Variants in CR1 observed in about 807,000 individuals in gnomAD.
CR1 encodes the protein complement receptor type 1.
In CR1, 116 loss-of-function variants were observed where a neutral mutation model predicts 187.3. That is an observed-to-expected ratio of 0.62 (90% CI 0.53 to 0.72). The LOEUF (loss-of-function observed/expected upper bound fraction) is 0.72. Among genes scored for constraint, CR1 ranks in the 30% least tolerant of loss-of-function variants. CR1 has a pLI of 0.00. For synonymous variants in CR1, 576 were observed against 747.1 expected (o/e 0.77, Z 3.73); for missense variants, 1,731 against 2,110.7 (o/e 0.82, Z 3.52).
chr1:207,616,858 T>C (rs542597468), intron 41 of CR1, 56 bp downstream of exon 41: 2 of 1,578,208 alleles, frequency 1.3e-6, no homozygotes, highest in Non-Finnish European at 1.7e-6. Context: ...GGTAAGAACC[T>C]CCATATTTCT....
At chr1:207,509,239 A>G (rs1659543249) in intron 3 of CR1, among the ~76,000 whole-genome samples, 1 of 152,154 alleles carries the variant, frequency 6.6e-6, no homozygotes, top group Non-Finnish European at 1.5e-5. Flanking sequence ...AGACATGTTC[A>G]CCCACATCCT....
chr1:207,518,652 G>T (rs1659877788), intron 4 of CR1, among the ~76,000 whole-genome samples: 1 of 152,098 alleles, frequency 6.6e-6, no homozygotes. Flanking sequence ...GGCAATCGTT[G>T]ATGTTCCTTG....
At chr1:207,592,988 A>G (rs1661318149) in intron 35 of CR1, among the ~76,000 whole-genome samples, 1 of 151,924 alleles carries the variant, frequency 6.6e-6, no homozygotes, top group Non-Finnish European at 1.5e-5. Context: ...GTGGATAGGA[A>G]GAATCAATAT....
intron 35 of CR1, among the ~76,000 whole-genome samples, 166 bp downstream of exon 35, chr1:207,588,940 G>C (rs544979579): frequency 6.6e-6 from 1 of 152,086 alleles, no homozygotes; most frequent in Non-Finnish European, 1.5e-5. Context: ...ATGATCAAAG[G>C]AATACAAAAA....
At chr1:207,617,117 G>A (rs1662123354) in intron 41 of CR1, among the ~76,000 whole-genome samples, 1 of 152,076 alleles carries the variant, frequency 6.6e-6, no homozygotes, top group Admixed American at 6.5e-5. Flanking sequence ...AAATGCTAAA[G>A]AAAATACTCT....
chr1:207,521,343 A>C (rs1445711161), intron 4 of CR1, among the ~76,000 whole-genome samples: 2 of 151,960 alleles, frequency 1.3e-5, no homozygotes, highest in East Asian at 3.9e-4. Flanking sequence ...CTCAGTTATT[A>C]ATTCTTCAAA....
At chr1:207,636,963 A>G (rs1037743587) in intron 46 of CR1, among the ~76,000 whole-genome samples, 1 of 152,218 alleles carries the variant, frequency 6.6e-6, no homozygotes, top group Non-Finnish European at 1.5e-5. Flanking sequence ...CAACTAGCAT[A>G]TAAGGGGGCT....
intron 27 of CR1, among the ~76,000 whole-genome samples, chr1:207,575,378 G>A (rs1294481112): frequency 1.3e-5 from 2 of 152,198 alleles, no homozygotes; most frequent in African/African-American, 2.4e-5. Context: ...AAGATATTAA[G>A]AAGCAATGTG....
intron 35 of CR1, among the ~76,000 whole-genome samples, chr1:207,603,308 GTTC>G (rs1661659418): frequency 6.6e-6 from 1 of 152,156 alleles, no homozygotes; most frequent in South Asian, 2.1e-4. Flanking sequence ...TGCGGTATTA[GTTC>G]TTCTGTCCCT....
At chr1:207,578,667 G>A (rs1185610521) in intron 29 of CR1, among the ~76,000 whole-genome samples, 4 of 152,200 alleles carry the variant, frequency 2.6e-5, no homozygotes, top group Non-Finnish European at 4.4e-5. Flanking sequence ...TGTTCTAAGC[G>A]AGACACCCAG....
Position 207,603,749 on chromosome 1 carries a change from G to C in CR1, c.5811-3502G>C, listed in dbSNP as rs144808591. ...GTGGTTGCATTTTGGTTATTACTTG[G>C]ATAGTCCATAACCTACCTAACAAAG... On this transcript the variant is annotated intron_variant, in intron 35 of 46. Transcript: ENST00000367049. Among the ~76,000 whole-genome samples the C allele has an allele frequency of 1.6e-3, 241 of 152,116 alleles. 1 individual carries two copies. Among genetic ancestry groups the C allele is most frequent in the African/African-American group, 4.6e-3 (190 of 41,496 alleles).
intron 29 of CR1, among the ~76,000 whole-genome samples, chr1:207,578,465 A>G (rs1660837518): frequency 6.6e-6 from 1 of 152,262 alleles, no homozygotes; most frequent in African/African-American, 2.4e-5. Context: ...GCAAAGTACC[A>G]GCTGCAATCT....
At chr1:207,623,798 G>C (rs2102406526) in intron 45 of CR1, among the ~76,000 whole-genome samples, 1 of 151,912 alleles carries the variant, frequency 6.6e-6, no homozygotes, top group African/African-American at 2.4e-5. Flanking sequence ...AGTTAGATTG[G>C]GTCACTTATG....
rs973501611 is a variant in CR1 at position 207,515,150 on chromosome 1, TATATAC to T, written c.487+3508_487+3513del. On this transcript the variant is annotated intron_variant, in intron 4 of 46. Coordinates refer to ENST00000367049, the MANE Select transcript of CR1 (RefSeq NM_000651.6). The stretch of plus-strand genomic sequence containing the variant: ...GTACGTATATATACGTGTATACGTA[TATATAC>T]ATATACATATATAGGTATATACATA... 6.9e-5 allele frequency among the ~76,000 whole-genome samples: 7 copies of T among 101,000 alleles called. 1 individual carries two copies. The highest frequency in any genetic ancestry group is 2.6e-4 in the Admixed American group (2 of 7,818). The allele number at this position is 101,000 out of a possible 152,430, so 66.3% of individuals were successfully genotyped here. A position where few individuals can be genotyped will look rare whatever the true frequency, so the allele number is the denominator to read the frequency against.
intron 5 of CR1, among the ~76,000 whole-genome samples, chr1:207,526,442 A>G (rs545260229): frequency 5.4e-4 from 82 of 150,778 alleles, no homozygotes; most frequent in African/African-American, 2.0e-3. Context: ...CCAATTTTGT[A>G]CTGGGTGAAC....
chr1:207,618,811 T>C (rs907114890), intron 42 of CR1, among the ~76,000 whole-genome samples: 30 of 150,582 alleles, frequency 2.0e-4, no homozygotes, highest in African/African-American at 6.6e-4. Flanking sequence ...TTTGGGAGGC[T>C]GAGGCGGGAA....
chr1:207,616,930 C>T, intron 41 of CR1, 128 bp downstream of exon 41: 3 of 1,323,204 alleles, frequency 2.3e-6, no homozygotes, highest in Non-Finnish European at 3.1e-6. Context: ...GACAGAACTA[C>T]CTCCCAAGTG....
rs763913582 is a variant in CR1, at chr1:207,611,786, C to T, written c.6405C>T (p.Leu2135=). 9.9e-6 allele frequency: 16 copies of T among 1,614,016 alleles called. No homozygotes were observed. Among genetic ancestry groups the T allele is most frequent in the Non-Finnish European group, 1.3e-5 (15 of 1,179,910 alleles). The change falls in exon 38 of 47, where the codon CTC becomes CTT. Residue 2135 remains leucine, a synonymous_variant. Transcript: ENST00000367049. ...VFYSCEPSYD[L]RGAASLHCTP... Reference sequence around the variant, plus strand: ...ACAGCTGTGAGCCCAGCTATGACCTCAGAGGGGCTGCGTCTCTGCACTGCA... The same window carrying T: ...ACAGCTGTGAGCCCAGCTATGACCTTAGAGGGGCTGCGTCTCTGCACTGCA...
In CR1 at chr1:207,609,278, T is replaced by C; in HGVS notation, c.5897-12T>C. On this transcript the variant is annotated splice_polypyrimidine_tract_variant and intron_variant, in intron 36 of 46. Coordinates refer to ENST00000367049, the MANE Select transcript of CR1 (RefSeq NM_000651.6). The stretch of plus-strand genomic sequence containing the variant: ...AAAATAAGCTGTTTTACCATACTCT[T>C]CCTTCTCTCAGTCATATCTTGTGAG... The C allele has an allele frequency of 6.3e-7, 1 of 1,578,018 alleles. No individual in the cohort carries two copies. Among genetic ancestry groups the C allele is most frequent in the Non-Finnish European group, 8.6e-7 (1 of 1,159,970 alleles).
Sources: gnomAD v4.1 joint callset for allele counts (sites outside exome capture counted in the v4.1 genomes callset) on GRCh38, gnomAD v4.1.1 for gene constraint, MANE v1.5 for transcripts, NCBI Gene and HGNC (gene_info 2026-07-23, HGNC 2026-07-21) for gene names.